GANC: variants seen among roughly 807,000 people sequenced by gnomAD.
GANC encodes neutral alpha-glucosidase C.
Under a neutral mutation model 124.2 loss-of-function variants are expected in GANC, and 117 were observed. The ratio of observed to expected loss-of-function variants is 0.94; its 90% CI spans 0.81 to 1.10. The LOEUF is 1.10. GANC is among the 50% of genes least tolerant of loss of function. The pLI, the probability that GANC is intolerant of heterozygous loss-of-function variation, is 0.00. For missense variants in GANC, 1,140 were observed against 1,095.0 expected (o/e 1.04, Z -0.58); for synonymous variants, 377 against 376.8 (o/e 1.00, Z -0.01).
At chr15:42,326,242 T>C in intron 11 of GANC, 56 bp from the exon 12 acceptor site, 1 of 1,264,340 alleles carries the variant, frequency 7.9e-7, no homozygotes, top group Non-Finnish European at 1.1e-6. Context: ...AACATATACG[T>C]GAACATTTGT....
At chr15:42,336,939 C>T (rs1215500988) in intron 15 of GANC, among the ~76,000 whole-genome samples, 1 of 152,168 alleles carries the variant, frequency 6.6e-6, no homozygotes, top group African/African-American at 2.4e-5. Flanking sequence ...TGAAATACCA[C>T]CTCACACCAT....
At chr15:42,341,061 G>T (rs1218162817) in intron 18 of GANC, among the ~76,000 whole-genome samples, 1 of 142,806 alleles carries the variant, frequency 7.0e-6, no homozygotes, top group Non-Finnish European at 1.5e-5. Flanking sequence ...ACTAGGCCTG[G>T]CCAAGCATTT....
intron 6 of GANC, among the ~76,000 whole-genome samples, chr15:42,302,492 G>A (rs779075837): frequency 3.3e-4 from 50 of 152,110 alleles, no homozygotes; most frequent in Admixed American, 5.9e-4. Context: ...AAAATTGGAC[G>A]GAGAATGAGT....
chr15:42,316,247 T>C (rs951560743), intron 10 of GANC, among the ~76,000 whole-genome samples: 1 of 151,912 alleles, frequency 6.6e-6, no homozygotes, highest in Non-Finnish European at 1.5e-5. Context: ...AGATGAGAGA[T>C]TGTAAGAAAT....
chr15:42,326,132 G>A (rs927947581), intron 11 of GANC, among the ~76,000 whole-genome samples, 166 bp from the exon 12 acceptor site: 2 of 152,196 alleles, frequency 1.3e-5, no homozygotes, highest in African/African-American at 4.8e-5. Flanking sequence ...ACTGGTGTCT[G>A]AAATATTTAT....
intron 14 of GANC, 45 bp from the exon 15 acceptor site, chr15:42,330,531 C>G: frequency 7.1e-7 from 1 of 1,417,736 alleles, no homozygotes; most frequent in Admixed American, 1.7e-5. Context: ...GATGTCTGTA[C>G]AAATCCAATC....
chr15:42,310,468 G>A lies in GANC; in HGVS notation c.903+5G>A, dbSNP rs1274724829. The A allele has an allele frequency of 2.5e-6, 4 of 1,588,660 alleles. No individual in the cohort carries two copies. Among genetic ancestry groups the A allele is most frequent in the African/African-American group, 2.7e-5 (2 of 73,782 alleles). ...AATACAGAGCCTGCAGTAGAGGTGA[G>A]CTATTTATCATGGCTACATGTCATA... On this transcript the variant is annotated splice_donor_5th_base_variant and intron_variant, in intron 9 of 23. Coordinates refer to ENST00000318010, the MANE Select transcript of GANC (RefSeq NM_198141.3).
In GANC at chr15:42,352,533, G is replaced by A. The variant is rs909401508; in HGVS notation, c.*394G>A. ...ATGCAGCATTGGCGCTCTGGCTGCAGCAGCTGAGTTGCTCAAGGCCAGTGT... is the reference window on the plus strand; with the variant it reads ...ATGCAGCATTGGCGCTCTGGCTGCAACAGCTGAGTTGCTCAAGGCCAGTGT... On this transcript the variant is annotated 3_prime_UTR_variant, in exon 24 of 24. Transcript: ENST00000318010. The A allele has an allele frequency of 2.5e-4, 253 of 1,032,306 alleles. No individual in the cohort carries two copies. The highest frequency in any genetic ancestry group is 2.8e-4 in the Non-Finnish European group (240 of 857,324). 63.9% of individuals were successfully genotyped at this position (1,032,306 alleles called of 1,614,324 possible). A position where few individuals can be genotyped will look rare whatever the true frequency, so the allele number is the denominator to read the frequency against.
intron 6 of GANC, 55 bp downstream of exon 6, chr15:42,297,711 G>A (rs2051904937): frequency 2.4e-6 from 3 of 1,255,928 alleles, no homozygotes. Context: ...CATCATGATA[G>A]GGCATATAAG....
At chr15:42,337,765 GAAGAT>G (rs1353558082) in intron 15 of GANC, among the ~76,000 whole-genome samples, 1 of 152,138 alleles carries the variant, frequency 6.6e-6, no homozygotes, top group Non-Finnish European at 1.5e-5. Context: ...CTTTTCAAAA[GAAGAT>G]ACATGAAGAG....
intron 1 of GANC, 30 bp downstream of exon 1, chr15:42,274,540 A>AC (rs751641099): frequency 1.3e-6 from 2 of 1,595,684 alleles, no homozygotes; most frequent in Non-Finnish European, 1.7e-6. Context: ...GTAGCGAGTG[A>AC]CCCCAGGGTC....
At chr15:42,286,505 C>T (rs146102314) in intron 3 of GANC, among the ~76,000 whole-genome samples, 21 of 152,208 alleles carry the variant, frequency 1.4e-4, no homozygotes, top group Middle Eastern at 3.4e-3. Context: ...TTTGATTGTA[C>T]GCTAAAAGTA....
chr15:42,314,077 C>G (rs1249220761), intron 10 of GANC: 3 of 715,912 alleles, frequency 4.2e-6, no homozygotes, highest in South Asian at 2.9e-5. Context: ...ACCTCTTTTA[C>G]AGACATTGGA....
At chr15:42,314,537 A>C (rs2052086259) in intron 10 of GANC, 1 of 231,678 alleles carries the variant, frequency 4.3e-6, no homozygotes, top group South Asian at 5.9e-5. Context: ...TAATTTAGTA[A>C]AATGAAAGAA....
chr15:42,273,341 G>A lies in GANC; in HGVS notation c.-1141G>A, dbSNP rs1430017121. ...CTGAAAAACGACAGTGGTGACGGGT[G>A]AGCTCCCAGAAGCAGAAGAATGACA... On this transcript the variant is annotated 5_prime_UTR_variant, in exon 1 of 24. It removes the in-frame stop codon of an upstream open reading frame in the 5' UTR. Coordinates refer to ENST00000318010, the MANE Select transcript of GANC (RefSeq NM_198141.3). 6.2e-7 allele frequency: 1 copy of A among 1,614,150 alleles called. No individual in the cohort carries two copies. Among genetic ancestry groups the A allele is most frequent in the Non-Finnish European group, 8.5e-7 (1 of 1,180,040 alleles).
At chr15:42,345,072 GA>G (rs940219162) in intron 19 of GANC, among the ~76,000 whole-genome samples, 13 of 152,064 alleles carry the variant, frequency 8.5e-5, no homozygotes, top group Non-Finnish European at 1.3e-4. Context: ...CTAGAAGAAA[GA>G]AAAAGATGTT....
At chr15:42,301,672 G>A (rs2051947322) in intron 6 of GANC, among the ~76,000 whole-genome samples, 1 of 152,158 alleles carries the variant, frequency 6.6e-6, no homozygotes, top group African/African-American at 2.4e-5. Flanking sequence ...GTGGGACGAG[G>A]GGCATCCGCC....
chr15:42,304,215 C>T (rs1289862246), intron 6 of GANC, among the ~76,000 whole-genome samples: 1 of 152,190 alleles, frequency 6.6e-6, no homozygotes, highest in African/African-American at 2.4e-5. Context: ...GTCAAAACTG[C>T]ACAACTACAT....
At chr15:42,274,958 C>T (rs1437779832) in intron 1 of GANC, among the ~76,000 whole-genome samples, 1 of 152,174 alleles carries the variant, frequency 6.6e-6, no homozygotes, top group East Asian at 1.9e-4. Flanking sequence ...GAACTCTTAA[C>T]ACGTGAATTT....
Sources: gnomAD v4.1 joint callset for allele counts (sites outside exome capture counted in the v4.1 genomes callset) on GRCh38, gnomAD v4.1.1 for gene constraint, MANE v1.5 for transcripts, NCBI Gene and HGNC (gene_info 2026-07-23, HGNC 2026-07-21) for gene names.